The following NTM variants were observed in gnomAD, a reference collection of about 807,000 sequenced individuals.
NTM encodes the protein IgLON family member 2.
Under a neutral mutation model 42.1 loss-of-function variants are expected in NTM, and 13 were observed. The observed-to-expected ratio is 0.31, with a 90% confidence interval of 0.20 to 0.49. The LOEUF (loss-of-function observed/expected upper bound fraction) is 0.49. NTM is among the 20% of genes least tolerant of loss of function. The pLI is 0.99. For missense variants in NTM, 373 were observed against 452.8 expected, an observed-to-expected ratio of 0.82 and a Z score of 1.60; for synonymous variants, 187 against 179.2, an observed-to-expected ratio of 1.04 and a Z score of -0.35.
chr11:131,535,148 A>T (rs1052967541), intron 1 of NTM: 12 of 152,170 alleles, frequency 7.9e-5, no homozygotes, highest in African/African-American at 2.7e-4. Flanking sequence ...GCTCTCTGGG[A>T]CAGCCAAAGG....
chr11:131,418,737 G>T (rs552860282), intron 1 of NTM, among the ~76,000 whole-genome samples: 3 of 152,152 alleles, frequency 2.0e-5, no homozygotes, highest in Non-Finnish European at 4.4e-5. Flanking sequence ...CCAAAATCTA[G>T]ATTTCCCTGG....
intron 1 of NTM, among the ~76,000 whole-genome samples, chr11:131,444,884 T>C (rs1253633187): frequency 6.6e-6 from 1 of 152,100 alleles, no homozygotes; most frequent in Non-Finnish European, 1.5e-5. Flanking sequence ...TGATGAGAAA[T>C]AGTGAGATTA....
intron 1 of NTM, among the ~76,000 whole-genome samples, chr11:131,590,899 C>A (rs948341680): frequency 6.6e-6 from 1 of 152,158 alleles, no homozygotes; most frequent in Non-Finnish European, 1.5e-5. Context: ...GGATAGCATG[C>A]GAGTGGATAC....
chr11:132,238,918 C>T (rs1228078698), intron 4 of NTM, among the ~76,000 whole-genome samples: 3 of 152,176 alleles, frequency 2.0e-5, no homozygotes, highest in South Asian at 2.1e-4. Context: ...TAAGAAATGT[C>T]TGCACTGCCT....
intron 1 of NTM, among the ~76,000 whole-genome samples, chr11:131,500,169 A>AT (rs1305336236): frequency 6.6e-6 from 1 of 152,214 alleles, no homozygotes; most frequent in East Asian, 1.9e-4. Context: ...GTTCTCTCTC[A>AT]TTTTTTCAGA....
intron 3 of NTM, among the ~76,000 whole-genome samples, chr11:132,187,738 C>T (rs757105507): frequency 1.3e-5 from 2 of 152,260 alleles, no homozygotes; most frequent in East Asian, 1.9e-4. Context: ...TCTGAGACCA[C>T]ATCTGCCTCT....
chr11:131,520,686 T>C (rs78938951), intron 1 of NTM, among the ~76,000 whole-genome samples: 138 of 152,298 alleles, frequency 9.1e-4, no homozygotes, highest in African/African-American at 3.1e-3. Flanking sequence ...CCAGTCATTG[T>C]TGGCATGAAA....
chr11:131,396,184 T>C (rs1413469290), intron 1 of NTM, among the ~76,000 whole-genome samples: 2 of 152,214 alleles, frequency 1.3e-5, no homozygotes, highest in African/African-American at 2.4e-5. Context: ...TTGCTACTGA[T>C]GGGCAATGAG....
chr11:131,687,621 G>A (rs2134960548), intron 1 of NTM, among the ~76,000 whole-genome samples: 1 of 152,030 alleles, frequency 6.6e-6, no homozygotes, highest in South Asian at 2.1e-4. Flanking sequence ...TTGAATTAGT[G>A]CCGCCCAAGT....
intron 1 of NTM, among the ~76,000 whole-genome samples, chr11:131,517,263 T>C (rs544191456): frequency 3.4e-4 from 52 of 152,316 alleles, no homozygotes; most frequent in Non-Finnish European, 5.1e-4. Flanking sequence ...GAATAATGTG[T>C]GGGAAATTCA....
chr11:132,241,589 G>A (rs2090201160), intron 4 of NTM, among the ~76,000 whole-genome samples: 1 of 152,146 alleles, frequency 6.6e-6, no homozygotes, highest in Non-Finnish European at 1.5e-5. Context: ...TTTGGTAACT[G>A]GCTCTGTCCA....
chr11:132,247,812 T>C (rs1459298870), intron 4 of NTM, among the ~76,000 whole-genome samples: 2 of 152,212 alleles, frequency 1.3e-5, no homozygotes, highest in Non-Finnish European at 2.9e-5. Context: ...GTCTCTTTTC[T>C]ACTCTCTGAT....
chr11:131,899,268 T>A (rs1053044041), intron 1 of NTM, among the ~76,000 whole-genome samples: 1 of 152,118 alleles, frequency 6.6e-6, no homozygotes, highest in Non-Finnish European at 1.5e-5. Flanking sequence ...GCCAAGCATG[T>A]GAAGGATTGG....
chr11:131,925,804 G>A (rs2057869219), intron 2 of NTM, among the ~76,000 whole-genome samples: 1 of 152,162 alleles, frequency 6.6e-6, no homozygotes, highest in South Asian at 2.1e-4. Flanking sequence ...GTGGGTAGGA[G>A]ACGTACAAGG....
chr11:131,493,560 G>A (rs759370565), intron 1 of NTM, among the ~76,000 whole-genome samples: 17 of 152,140 alleles, frequency 1.1e-4, no homozygotes, highest in Non-Finnish European at 1.9e-4. Context: ...CACAACAACA[G>A]TGCTGATAGC....
chr11:132,096,869 G>A (rs183853054), intron 2 of NTM, among the ~76,000 whole-genome samples: 1 of 152,316 alleles, frequency 6.6e-6, no homozygotes, highest in Admixed American at 6.5e-5. Flanking sequence ...GAGAGGAGAA[G>A]GCATCAGAAG....
rs1168656165 is a variant in NTM at position 131,789,536 on chromosome 11, G to GAA, written c.83-122027_83-122026dup. 8.5e-5 allele frequency among the ~76,000 whole-genome samples: 2 copies of GAA among 23,448 alleles called. 1 individual carries two copies. The highest frequency in any genetic ancestry group is 1.4e-4 in the Non-Finnish European group (2 of 14,014). 15.4% of individuals were successfully genotyped at this position (23,448 alleles called of 152,430 possible). ...AGAAGAAGAAGAAGAAGAAGAAGAA[G>GAA]AAGAAGAAGAAAAGAAGAAGAAGAA... On this transcript the variant is annotated intron_variant, in intron 1 of 8. Transcript: ENST00000683400.
intron 4 of NTM, among the ~76,000 whole-genome samples, chr11:132,233,104 A>G (rs1331369673): frequency 2.0e-5 from 3 of 152,164 alleles, no homozygotes; most frequent in Non-Finnish European, 4.4e-5. Flanking sequence ...AAAAGGAACA[A>G]CGGGATTGAT....
At chr11:131,582,487 A>G (rs1592117688) in intron 1 of NTM, 1 of 152,110 alleles carries the variant, frequency 6.6e-6, no homozygotes, top group East Asian at 1.9e-4. Flanking sequence ...TATGCTTTGG[A>G]GTTAAACTGC....
Sources: allele counts gnomAD v4.1 joint callset (sites outside exome capture counted in the v4.1 genomes callset), GRCh38; gene constraint gnomAD v4.1.1; transcripts MANE v1.5; gene names NCBI Gene and HGNC (gene_info 2026-07-23, HGNC 2026-07-21).